Variants in DGKI observed in about 807,000 individuals in gnomAD.
DGKI encodes DAG kinase iota.
A neutral mutation model predicts 147.5 loss-of-function variants in DGKI; 55 were observed. That is an observed-to-expected ratio of 0.37 (90% CI 0.30 to 0.47). The LOEUF is 0.47. DGKI is among the 20% of genes least tolerant of loss of function. The probability of loss-of-function intolerance (pLI) is 1.00; values close to 1 mark genes in which losing one functional copy is unlikely to be tolerated. For missense variants in DGKI, 1,007 were observed against 1,323.8 expected (o/e 0.76, Z 3.71); for synonymous variants, 469 against 477.1 (o/e 0.98, Z 0.22).
chr7:137,819,828 A>G (rs1243308641), intron 1 of DGKI, among the ~76,000 whole-genome samples: 1 of 152,110 alleles, frequency 6.6e-6, no homozygotes, highest in Non-Finnish European at 1.5e-5. Flanking sequence ...TCAACAAACA[A>G]CTTGTCTTTT....
intron 1 of DGKI, among the ~76,000 whole-genome samples, chr7:137,795,033 C>G (rs1796980293): frequency 6.6e-6 from 1 of 152,120 alleles, no homozygotes; most frequent in Non-Finnish European, 1.5e-5. Context: ...GAAGTCAGTC[C>G]TGATATGAAA....
intron 1 of DGKI, among the ~76,000 whole-genome samples, chr7:137,730,995 T>G (rs1794865209): frequency 6.6e-6 from 1 of 152,054 alleles, no homozygotes; most frequent in African/African-American, 2.4e-5. Context: ...GCTGGTAAGA[T>G]GGCCACAAGC....
chr7:137,473,372 T>G (rs1401602901), intron 23 of DGKI, among the ~76,000 whole-genome samples: 2 of 152,128 alleles, frequency 1.3e-5, no homozygotes, highest in East Asian at 3.9e-4. Flanking sequence ...GGTCCTCAAA[T>G]AGGTTCAACA....
At chr7:137,773,120 T>C (rs1484295648) in intron 1 of DGKI, among the ~76,000 whole-genome samples, 1 of 152,218 alleles carries the variant, frequency 6.6e-6, no homozygotes, top group African/African-American at 2.4e-5. Flanking sequence ...TTCTACAAAC[T>C]GTGTACCAAA....
Position 137,440,533 on chromosome 7 carries a change from G to A in DGKI, c.2761+3544C>T, listed in dbSNP as rs571644688. Among the ~76,000 whole-genome samples, 10 of 152,258 alleles carry A rather than the reference G, an allele frequency of 6.6e-5. No individual in the cohort carries two copies. The East Asian group carries it at 7.7e-4, about 12-fold the overall frequency. ...TCTTTGGTTTTCCAGGGACATGGCC[G>A]ATAAAAGAGAGTTAAGAGTTTGATT... On this transcript the variant is annotated intron_variant, in intron 28 of 32. Transcript: ENST00000614521.
chr7:137,397,471 C>A (rs1811595216), intron 30 of DGKI, 58 bp from the exon 31 acceptor site: 1 of 1,546,090 alleles, frequency 6.5e-7, no homozygotes. Context: ...TAAACATTAA[C>A]AGAAAATCTA....
Position 137,384,675 on chromosome 7 carries a change from T to C in DGKI, c.*6545A>G, listed in dbSNP as rs1449793511. 6.6e-6 allele frequency: 1 copy of C among 152,074 alleles called. No homozygotes were observed. The highest frequency in any genetic ancestry group is 2.4e-5 in the African/African-American group (1 of 41,432). The allele number at this position is 152,074 out of a possible 1,614,324, so 9.4% of individuals were successfully genotyped here. On this transcript the variant is annotated 3_prime_UTR_variant, in exon 33 of 33. Transcript: ENST00000614521. Reference sequence around the variant, plus strand: ...GAACCCCAACTGAAGCTCAAACATGTCAATACATCATAACGCTAAAGCACT... The same window carrying C: ...GAACCCCAACTGAAGCTCAAACATGCCAATACATCATAACGCTAAAGCACT...
chr7:137,512,298 A>G (rs780073857), intron 21 of DGKI, among the ~76,000 whole-genome samples: 3 of 152,214 alleles, frequency 2.0e-5, no homozygotes, highest in Non-Finnish European at 4.4e-5. Context: ...AGTGTATACA[A>G]CAGCCCTCTG....
intron 1 of DGKI, chr7:137,722,295 T>C (rs1041666674): frequency 3.7e-6 from 6 of 1,612,346 alleles, no homozygotes; most frequent in Non-Finnish European, 4.2e-6. Context: ...AGAACGGCAG[T>C]ACCCGGGTGG....
intron 15 of DGKI, among the ~76,000 whole-genome samples, chr7:137,579,121 T>C (rs1819088875): frequency 6.6e-6 from 1 of 152,200 alleles, no homozygotes; most frequent in African/African-American, 2.4e-5. Flanking sequence ...TCTTGACTAA[T>C]ACCTCATAGA....
intron 20 of DGKI, among the ~76,000 whole-genome samples, chr7:137,543,164 C>T (rs1817758063): frequency 6.6e-6 from 1 of 152,156 alleles, no homozygotes; most frequent in African/African-American, 2.4e-5. Flanking sequence ...ACAGCATTTA[C>T]CATGACTAGT....
At chr7:137,473,884 T>G (rs1487473120) in intron 23 of DGKI, among the ~76,000 whole-genome samples, 3 of 152,204 alleles carry the variant, frequency 2.0e-5, no homozygotes, top group Non-Finnish European at 4.4e-5. Context: ...ACATCATTAC[T>G]TAAAGGCACA....
Position 137,623,508 on chromosome 7 carries a change from A to T in DGKI, c.851T>A (p.Ile284Asn), listed in dbSNP as rs772086169. The change falls in exon 7 of 33, where the codon ATC (isoleucine) becomes AAC (asparagine). Residue 284 changes from isoleucine (I) to asparagine (N), a missense_variant. Ile to Asn is a moderately radical substitution (Grantham distance 149). This residue lies in a region of DGKI where 259 missense variants were observed against 362.5 expected (regional missense o/e 0.71). Transcript: ENST00000614521. ...CGCCTGCTTGCACCAGGAACAGCTG[A>T]TAGCCACAATCTCTTTACTGTGGAA... The part of the protein sequence containing the change: ...FSFHSKEIVA[I>N]SCSWCKQAFH... The T allele has an allele frequency of 6.2e-6, 10 of 1,614,110 alleles. No homozygotes were observed. The highest frequency in any genetic ancestry group is 8.5e-6 in the Non-Finnish European group (10 of 1,179,942).
At chr7:137,507,677 G>T (rs1585181581) in intron 21 of DGKI, among the ~76,000 whole-genome samples, 1 of 152,262 alleles carries the variant, frequency 6.6e-6, no homozygotes, top group East Asian at 1.9e-4. Context: ...TGGTGCTGGG[G>T]ACAACTCTAG....
Position 137,600,154 on chromosome 7 carries a change from CAT to C in DGKI, c.1168-251_1168-250del, listed in dbSNP as rs745630581. ...CAAACATCAGCCAGGTGTGGTGACA[CAT>C]GTCTTTAGTCCCAGCTGAGGAGGCG... On this transcript the variant is annotated intron_variant, in intron 10 of 32. Coordinates refer to ENST00000614521, the MANE Select transcript of DGKI (RefSeq NM_001321708.2). Among the ~76,000 whole-genome samples the C allele has an allele frequency of 5.2e-4, 79 of 151,934 alleles. 1 individual carries two copies. Among genetic ancestry groups the C allele is most frequent in the Non-Finnish European group, 9.9e-4 (67 of 68,000 alleles).
At chr7:137,539,054 TC>T (rs1817606745) in intron 20 of DGKI, among the ~76,000 whole-genome samples, 2 of 152,148 alleles carry the variant, frequency 1.3e-5, no homozygotes, top group South Asian at 2.1e-4. Context: ...CTTTCTTTTT[TC>T]CCCCCTCCAT....
intron 1 of DGKI, among the ~76,000 whole-genome samples, chr7:137,811,384 T>TCACACACACA (rs55647700): frequency 3.0e-5 from 4 of 132,114 alleles, no homozygotes; most frequent in South Asian, 2.5e-4. Context: ...TCTCTCTCTC[T>TCACACACACA]CACACACACA....
intron 23 of DGKI, among the ~76,000 whole-genome samples, chr7:137,470,931 C>T (rs1814857913): frequency 6.6e-6 from 1 of 152,200 alleles, no homozygotes; most frequent in Admixed American, 6.5e-5. Flanking sequence ...AGTTCCCAAA[C>T]TTCCTTGAAG....
intron 6 of DGKI, among the ~76,000 whole-genome samples, chr7:137,638,504 ATATATATGTGTG>A (rs1821445787): frequency 1.7e-5 from 2 of 117,978 alleles, no homozygotes; most frequent in African/African-American, 7.1e-5. Flanking sequence ...ATATATATGT[ATATATATGTGTG>A]TATATATATA....
Sources: allele counts gnomAD v4.1 joint callset (sites outside exome capture counted in the v4.1 genomes callset), GRCh38; gene constraint gnomAD v4.1.1; regional missense constraint gnomAD v4.1.1; transcripts MANE v1.5; gene names NCBI Gene and HGNC (gene_info 2026-07-23, HGNC 2026-07-21).